RTN4IP1: variants seen among roughly 807,000 people sequenced by gnomAD.
The protein encoded by RTN4IP1 is reticulon 4 interacting protein 1.
A neutral mutation model predicts 46.6 loss-of-function variants in RTN4IP1; 32 were observed. The ratio of observed to expected loss-of-function variants is 0.69; its 90% CI spans 0.52 to 0.92. The LOEUF (loss-of-function observed/expected upper bound fraction) is 0.92, where lower values mean the gene tolerates loss of function less well. RTN4IP1 is among the 40% of genes least tolerant of loss of function. The pLI is 0.00. For missense variants in RTN4IP1, 424 were observed against 485.8 expected (o/e 0.87, Z 1.20); for synonymous variants, 167 against 161.8 (o/e 1.03, Z -0.24).
At chr6:106,577,666 C>T (rs919930322) in intron 8 of RTN4IP1, among the ~76,000 whole-genome samples, 2 of 151,978 alleles carry the variant, frequency 1.3e-5, no homozygotes, top group Non-Finnish European at 2.9e-5. Flanking sequence ...AAGGACTTTG[C>T]TGGTGTGATT....
chr6:106,615,808 T>C (rs1374352116), intron 4 of RTN4IP1, among the ~76,000 whole-genome samples: 2 of 152,186 alleles, frequency 1.3e-5, no homozygotes, highest in Non-Finnish European at 2.9e-5. Flanking sequence ...TTTAAAAAAA[T>C]TTCTACTTAT....
At chr6:106,595,500 CT>C (rs35264522) in intron 5 of RTN4IP1, among the ~76,000 whole-genome samples, 77,019 of 125,700 alleles carry the variant, frequency 0.61, 21,268 homozygotes, top group South Asian at 0.73. Context: ...TACTTTCTTT[CT>C]TTTTTTTTTT....
intron 2 of RTN4IP1, among the ~76,000 whole-genome samples, chr6:106,621,859 G>A (rs1776493619): frequency 6.6e-6 from 1 of 152,120 alleles, no homozygotes; most frequent in Admixed American, 6.5e-5. Context: ...CTACCTCAGA[G>A]GGATTAGATG....
upstream of RTN4IP1, chr6:106,629,628 A>T: frequency 3.8e-6 from 6 of 1,573,726 alleles, no homozygotes; most frequent in Non-Finnish European, 5.2e-6. Context: ...GCGACCGGTG[A>T]CCTCTTTTTC....
At chr6:106,616,638 C>A (rs1353735209) in intron 4 of RTN4IP1, among the ~76,000 whole-genome samples, 4 of 152,154 alleles carry the variant, frequency 2.6e-5, no homozygotes, top group Non-Finnish European at 5.9e-5. Flanking sequence ...CTCCATCAAT[C>A]ACAATGAATA....
intron 6 of RTN4IP1, among the ~76,000 whole-genome samples, chr6:106,589,527 T>C (rs376126178): frequency 1.3e-5 from 2 of 152,024 alleles, no homozygotes; most frequent in Non-Finnish European, 2.9e-5. Context: ...ACAGGCATTG[T>C]CTGAGAAAGA....
At chr6:106,623,795 T>G (rs192747383) in intron 1 of RTN4IP1, among the ~76,000 whole-genome samples, 2 of 152,348 alleles carry the variant, frequency 1.3e-5, no homozygotes, top group Admixed American at 1.3e-4. Context: ...ACGTACTCAT[T>G]CACAAACTTT....
At position 106,571,740 on chromosome 6, in the gene RTN4IP1, C is replaced by T; in HGVS notation, c.*256G>A. On this transcript the variant is annotated 3_prime_UTR_variant, in exon 9 of 9. Coordinates refer to ENST00000369063, the MANE Select transcript of RTN4IP1 (RefSeq NM_032730.5). ...GTTTAAGCTAGTAAAACAGAAGGTG[C>T]CACAACAACCTGCAAAGCCAGTGTG... 1 of 397,786 alleles carries T rather than the reference C, an allele frequency of 2.5e-6. No homozygotes were observed. The highest frequency in any genetic ancestry group is 4.6e-6 in the Non-Finnish European group (1 of 218,182). The allele number at this position is 397,786 out of a possible 1,614,324, so 24.6% of individuals were successfully genotyped here. A position where few individuals can be genotyped will look rare whatever the true frequency, so the allele number is the denominator to read the frequency against.
chr6:106,580,633 C>T (rs527611448), intron 8 of RTN4IP1, among the ~76,000 whole-genome samples: 3 of 150,654 alleles, frequency 2.0e-5, no homozygotes, highest in Non-Finnish European at 3.0e-5. Context: ...GCAGGAGAAT[C>T]GCTTGTACCC....
chr6:106,618,740 T>A (rs766770886), intron 4 of RTN4IP1, among the ~76,000 whole-genome samples: 6 of 152,166 alleles, frequency 3.9e-5, no homozygotes, highest in Non-Finnish European at 8.8e-5. Flanking sequence ...TTAAGAATAT[T>A]CAATAGTTGT....
chr6:106,594,967 A>G (rs1420554430), intron 5 of RTN4IP1, among the ~76,000 whole-genome samples: 1 of 151,776 alleles, frequency 6.6e-6, no homozygotes, highest in Non-Finnish European at 1.5e-5. Context: ...ACGCCTGGCT[A>G]ATTTTTGTAT....
chr6:106,612,336 G>A (rs569249619), intron 4 of RTN4IP1, among the ~76,000 whole-genome samples: 2 of 132,156 alleles, frequency 1.5e-5, no homozygotes, highest in East Asian at 2.3e-4. Flanking sequence ...GCAGTGAACC[G>A]AGATTACACC....
intron 4 of RTN4IP1, among the ~76,000 whole-genome samples, chr6:106,617,628 T>C (rs1776387052): frequency 6.6e-6 from 1 of 152,126 alleles, no homozygotes; most frequent in African/African-American, 2.4e-5. Flanking sequence ...ACCAAAGAAT[T>C]ACCCACAAAG....
chr6:106,605,617 T>C (rs1776045523), intron 4 of RTN4IP1, among the ~76,000 whole-genome samples: 1 of 151,424 alleles, frequency 6.6e-6, no homozygotes, highest in South Asian at 2.1e-4. Context: ...ATCGAGACCA[T>C]CCTGGCTAAC....
intron 8 of RTN4IP1, among the ~76,000 whole-genome samples, chr6:106,575,193 T>C (rs996213132): frequency 2.0e-5 from 3 of 152,224 alleles, no homozygotes; most frequent in African/African-American, 7.2e-5. Context: ...GACGCTGCTA[T>C]AGTCCACCTG....
In RTN4IP1 at chr6:106,619,248, T is replaced by C. The variant is rs1433175586; in HGVS notation, c.574A>G (p.Ile192Val). 3.1e-6 allele frequency: 5 copies of C among 1,614,228 alleles called. No homozygotes were observed. The highest frequency in any genetic ancestry group is 2.2e-5 in the East Asian group (1 of 44,878). The change falls in exon 4 of 9, where the codon ATA becomes GTA. Residue 192 changes from isoleucine to valine, a missense_variant. Transcript: ENST00000369063. ...PYVALTAWSAINKVGGLNDKN... is the reference protein window; with the variant it reads ...PYVALTAWSAVNKVGGLNDKN... Reference sequence around the variant, plus strand: ...TCATTCAGGCCACCAACTTTGTTTATAGCAGACCAGGCTGTGAGAGCCACA... The same window carrying C: ...TCATTCAGGCCACCAACTTTGTTTACAGCAGACCAGGCTGTGAGAGCCACA...
intron 4 of RTN4IP1, among the ~76,000 whole-genome samples, chr6:106,610,300 G>A (rs184118109): frequency 4.0e-4 from 61 of 152,182 alleles, no homozygotes; most frequent in African/African-American, 1.4e-3. Flanking sequence ...CTGACCTCAG[G>A]CAATCCGCCC....
intron 5 of RTN4IP1, among the ~76,000 whole-genome samples, chr6:106,594,861 C>T (rs907899659): frequency 2.0e-5 from 3 of 151,952 alleles, no homozygotes; most frequent in Non-Finnish European, 2.9e-5. Context: ...AGTGCAGTGG[C>T]ATGATCTCGG....
At position 106,628,985 on chromosome 6, in the gene RTN4IP1, C is replaced by A; in HGVS notation, c.37G>T (p.Ala13Ser). ...CTCCAGAAGCAAACCGCAGTGCATG[C>A]ATTTCTTCTAAGTACACAAGTCTTC... ...FLKTCVLRRNACTAVCFWRSK... is the reference protein window; with the variant it reads ...FLKTCVLRRNSCTAVCFWRSK... Residue 13 changes from alanine to serine, a missense_variant, in exon 1 of 9, where the codon GCA becomes TCA. By Grantham distance (99) the Ala-to-Ser change is moderately conservative (BLOSUM62 1). Transcript: ENST00000369063. 1 of 1,613,854 alleles carries A rather than the reference C, an allele frequency of 6.2e-7. No individual in the cohort carries two copies. Among genetic ancestry groups the A allele is most frequent in the Middle Eastern group, 1.7e-4 (1 of 5,932 alleles).
Sources: allele counts gnomAD v4.1 joint callset (sites outside exome capture counted in the v4.1 genomes callset), GRCh38; gene constraint gnomAD v4.1.1; transcripts MANE v1.5; gene names NCBI Gene and HGNC (gene_info 2026-07-23, HGNC 2026-07-21).